SMURF2: variants seen among roughly 807,000 people sequenced by gnomAD.
The protein encoded by SMURF2 is SMAD specific E3 ubiquitin protein ligase 2.
SMURF2 carries 48 observed loss-of-function variants against 109.6 expected under a neutral mutation model. The ratio of observed to expected loss-of-function variants is 0.44; its 90% CI spans 0.35 to 0.56. SMURF2 has a LOEUF of 0.56. Among genes scored for constraint, SMURF2 ranks in the 20% least tolerant of loss-of-function variants. SMURF2 has a pLI of 0.01. For missense variants in SMURF2, 575 were observed against 909.0 expected (o/e 0.63, Z 4.72); for synonymous variants, 288 against 317.1 (o/e 0.91, Z 0.97).
chr17:64,584,134 A>G (rs1176730406), intron 6 of SMURF2, among the ~76,000 whole-genome samples: 15 of 151,694 alleles, frequency 9.9e-5, no homozygotes, highest in African/African-American at 3.6e-4. Flanking sequence ...GCTGGCCAAC[A>G]TGGTGAAACC....
intron 1 of SMURF2, among the ~76,000 whole-genome samples, chr17:64,612,176 G>C (rs1359497902): frequency 2.6e-5 from 4 of 151,966 alleles, no homozygotes; most frequent in Non-Finnish European, 5.9e-5. Context: ...TTATAATTGC[G>C]GAGGTGGTAA....
intron 1 of SMURF2, among the ~76,000 whole-genome samples, chr17:64,647,716 G>A (rs966603384): frequency 1.3e-5 from 2 of 149,784 alleles, no homozygotes; most frequent in Non-Finnish European, 1.5e-5. Flanking sequence ...AACAAATTTC[G>A]TCAGATAAAA....
intron 1 of SMURF2, among the ~76,000 whole-genome samples, chr17:64,649,102 A>C (rs371093833): frequency 2.6e-5 from 4 of 152,074 alleles, no homozygotes; most frequent in East Asian, 3.8e-4. Flanking sequence ...TCTACTATCT[A>C]CTCCTACAAC....
intron 16 of SMURF2, among the ~76,000 whole-genome samples, chr17:64,550,641 G>A (rs749123261): frequency 3.0e-4 from 46 of 151,966 alleles, no homozygotes; most frequent in African/African-American, 6.3e-4. Context: ...TTAGCTGGAC[G>A]TGGTGGCAGG....
chr17:64,587,638 G>A (rs1969682284), intron 5 of SMURF2, among the ~76,000 whole-genome samples: 1 of 152,030 alleles, frequency 6.6e-6, no homozygotes, highest in Admixed American at 6.6e-5. Flanking sequence ...TCAAAATTCT[G>A]AAATCTTCCA....
chr17:64,585,842 T>A (rs1263821883), intron 6 of SMURF2, among the ~76,000 whole-genome samples: 1 of 152,210 alleles, frequency 6.6e-6, no homozygotes, highest in Admixed American at 6.5e-5. Flanking sequence ...GAGTTATATT[T>A]GTCAAGAAAT....
chr17:64,631,948 C>G (rs1294676715), intron 1 of SMURF2, among the ~76,000 whole-genome samples: 1 of 97,882 alleles, frequency 1.0e-5, no homozygotes, highest in East Asian at 3.3e-4. Flanking sequence ...TATTCTAAGA[C>G]TCTCTTTTTT....
intron 11 of SMURF2, 41 bp downstream of exon 11, chr17:64,562,730 G>GA (rs553006457): frequency 1.1e-3 from 1,628 of 1,520,338 alleles, no homozygotes; most frequent in Non-Finnish European, 1.2e-3. Flanking sequence ...TGGGTTTCTG[G>GA]AAAAAAAAAT....
At chr17:64,635,052 C>G (rs1598307225) in intron 1 of SMURF2, among the ~76,000 whole-genome samples, 1 of 152,092 alleles carries the variant, frequency 6.6e-6, no homozygotes, top group South Asian at 2.1e-4. Context: ...TAAGGCCAGG[C>G]ATGGTGGCTC....
At chr17:64,600,218 A>G (rs1298075114) in intron 2 of SMURF2, among the ~76,000 whole-genome samples, 1 of 152,188 alleles carries the variant, frequency 6.6e-6, no homozygotes. Context: ...ATGACAAGAG[A>G]GCTATTCTGA....
intron 10 of SMURF2, among the ~76,000 whole-genome samples, chr17:64,566,561 G>GTTTTTTTTTTGTTTT (rs1969306761): frequency 2.3e-5 from 1 of 43,784 alleles, no homozygotes; most frequent in East Asian, 9.0e-4. Context: ...AAGCTTTCTG[G>GTTTTTTTTTTGTTTT]TTTTTTTTTT....
At chr17:64,652,901 C>T (rs1422845527) in intron 1 of SMURF2, among the ~76,000 whole-genome samples, 4 of 152,054 alleles carry the variant, frequency 2.6e-5, no homozygotes, top group African/African-American at 9.7e-5. Flanking sequence ...TTACTTCTCA[C>T]AGCATATTAA....
At chr17:64,569,762 A>G (rs997019746) in intron 10 of SMURF2, among the ~76,000 whole-genome samples, 1 of 152,242 alleles carries the variant, frequency 6.6e-6, no homozygotes, top group Admixed American at 6.5e-5. Flanking sequence ...TGGCATAGCC[A>G]CTTTAGAAAA....
At chr17:64,597,893 T>C (rs1261229576) in intron 3 of SMURF2, among the ~76,000 whole-genome samples, 2 of 152,120 alleles carry the variant, frequency 1.3e-5, no homozygotes, top group Non-Finnish European at 2.9e-5. Flanking sequence ...AGCAGTTGCC[T>C]TGAGGATGGG....
intron 1 of SMURF2, among the ~76,000 whole-genome samples, chr17:64,615,739 G>C (rs1051643826): frequency 6.6e-6 from 1 of 152,104 alleles, no homozygotes; most frequent in African/African-American, 2.4e-5. Context: ...GCATAAAAAT[G>C]ATCAGTTAAG....
At chr17:64,628,474 A>G (rs1970295635) in intron 1 of SMURF2, among the ~76,000 whole-genome samples, 1 of 152,210 alleles carries the variant, frequency 6.6e-6, no homozygotes, top group South Asian at 2.1e-4. Flanking sequence ...TGAATCTTTT[A>G]TGTTATTCAT....
At chr17:64,656,784 T>G (rs1443686291) in intron 1 of SMURF2, among the ~76,000 whole-genome samples, 2 of 152,242 alleles carry the variant, frequency 1.3e-5, no homozygotes, top group Non-Finnish European at 2.9e-5. Flanking sequence ...CTGTTGAATC[T>G]GCTTAACCAG....
At chr17:64,655,656 G>A (rs1002078786) in intron 1 of SMURF2, among the ~76,000 whole-genome samples, 1 of 151,970 alleles carries the variant, frequency 6.6e-6, no homozygotes, top group African/African-American at 2.4e-5. Context: ...GGAGGCCAAG[G>A]TGGGCAGATC....
At chr17:64,614,684 T>C (rs554812230) in intron 1 of SMURF2, among the ~76,000 whole-genome samples, 6 of 152,204 alleles carry the variant, frequency 3.9e-5, no homozygotes, top group Non-Finnish European at 8.8e-5. Flanking sequence ...CAGATGCAGG[T>C]GTGATCATCT....
Sources: allele counts gnomAD v4.1 joint callset (sites outside exome capture counted in the v4.1 genomes callset), GRCh38; gene constraint gnomAD v4.1.1; transcripts MANE v1.5; gene names NCBI Gene and HGNC (gene_info 2026-07-23, HGNC 2026-07-21).